Variants in LMX1B observed in about 807,000 individuals in gnomAD.
LMX1B encodes LIM homeobox transcription factor 1 beta.
LMX1B carries 12 observed loss-of-function variants against 51.4 expected under a neutral mutation model. The observed-to-expected ratio is 0.23, with a 90% CI of 0.15 to 0.38. The LOEUF is 0.38. LMX1B is among the 10% of genes least tolerant of loss of function. LMX1B has a pLI of 1.00. For missense variants in LMX1B, 445 were observed against 571.1 expected (o/e 0.78, Z 2.25); for synonymous variants, 237 against 235.4 (o/e 1.01, Z -0.06).
At chr9:126,619,570 C>T (rs558702885) in intron 2 of LMX1B, among the ~76,000 whole-genome samples, 3 of 152,358 alleles carry the variant, frequency 2.0e-5, no homozygotes, top group Admixed American at 6.5e-5. Context: ...ATGGTGCTGT[C>T]TCTGGGGGCT....
chr9:126,614,188 A>C lies in LMX1B; in HGVS notation c.-262A>C, dbSNP rs1234205563. ...CCGCCGCCGGGTTCCGGGACTGACA[A>C]GCAGGTGACAGAGGAGCCGGCGCGC... On this transcript the variant is annotated 5_prime_UTR_variant, in exon 1 of 8. Transcript: ENST00000373474. Among the ~76,000 whole-genome samples, 4 of 144,838 alleles carry C rather than the reference A, an allele frequency of 2.8e-5. No individual in the cohort carries two copies. Among genetic ancestry groups the C allele is most frequent in the African/African-American group, 9.9e-5 (4 of 40,432 alleles).
At chr9:126,646,178 T>C (rs1835896207) in intron 2 of LMX1B, among the ~76,000 whole-genome samples, 1 of 152,166 alleles carries the variant, frequency 6.6e-6, no homozygotes, top group South Asian at 2.1e-4. Context: ...TTTTGCTCTA[T>C]GTTGATATGA....
At chr9:126,678,555 G>C (rs146627129) in intron 2 of LMX1B, among the ~76,000 whole-genome samples, 19 of 152,276 alleles carry the variant, frequency 1.2e-4, no homozygotes, top group South Asian at 4.1e-4. Context: ...GGTAAAATTT[G>C]TAGTAATAAA....
rs532870885 is a variant in LMX1B, at chr9:126,664,038, G to A, written c.327-26798G>A. Among the ~76,000 whole-genome samples, 12 of 152,258 alleles carry A rather than the reference G, an allele frequency of 7.9e-5. No homozygotes were observed. The East Asian group carries it at 1.4e-3, about 17-fold the overall frequency. Reference sequence around the variant, plus strand: ...GCCCTCCCACGCCAGCTGCACCCACGGAGCCCAAGTCTGAGTCCTGTGCCA... The same window carrying A: ...GCCCTCCCACGCCAGCTGCACCCACAGAGCCCAAGTCTGAGTCCTGTGCCA... On this transcript the variant is annotated intron_variant, in intron 2 of 7. Coordinates refer to ENST00000373474, the MANE Select transcript of LMX1B (RefSeq NM_001174147.2).
chr9:126,635,055 G>A (rs1003261793), intron 2 of LMX1B, among the ~76,000 whole-genome samples: 5 of 152,202 alleles, frequency 3.3e-5, no homozygotes, highest in Admixed American at 2.6e-4. Context: ...AGGCACAAGC[G>A]CCATATGAAG....
intron 2 of LMX1B, among the ~76,000 whole-genome samples, chr9:126,680,456 G>A (rs1450181840): frequency 6.6e-6 from 1 of 152,174 alleles, no homozygotes; most frequent in Non-Finnish European, 1.5e-5. Context: ...GAGTCCATGG[G>A]CAAATAAAGC....
At chr9:126,659,994 G>T (rs1280016124) in intron 2 of LMX1B, among the ~76,000 whole-genome samples, 4 of 118,220 alleles carry the variant, frequency 3.4e-5, no homozygotes, top group African/African-American at 1.2e-4. Flanking sequence ...TCCTGTGTGT[G>T]TCTACACTGG....
rs1403483079 is a variant in LMX1B, at chr9:126,625,232, C to G, written c.326+9663C>G. ...CCCCCTGACGCTTTTCGTTTCCGAG[C>G]GCGCTTGGGCCTCAGGAGCCGGAGC... On this transcript the variant is annotated intron_variant, in intron 2 of 7. Coordinates refer to ENST00000373474, the MANE Select transcript of LMX1B (RefSeq NM_001174147.2). This position sits in a 1 kb window ranked among gnomAD's most constrained non-coding sequence, Gnocchi z 5.3. Among the ~76,000 whole-genome samples, 1 of 152,238 alleles carries G rather than the reference C, an allele frequency of 6.6e-6. No homozygotes were observed.
chr9:126,659,555 G>T (rs1017907597), intron 2 of LMX1B, among the ~76,000 whole-genome samples: 2 of 152,386 alleles, frequency 1.3e-5, no homozygotes, highest in South Asian at 4.1e-4. Flanking sequence ...AGGTGGTCCT[G>T]TGTGGGGGTG....
chr9:126,673,607 G>T lies in LMX1B; in HGVS notation c.327-17229G>T, dbSNP rs556671090. ...TTCCCCAGGCACCCAGCTTCACCAG[G>T]TCCCCGGGCTCTGAGACACTCCACC... On this transcript the variant is annotated intron_variant, in intron 2 of 7. Coordinates refer to ENST00000373474, the MANE Select transcript of LMX1B (RefSeq NM_001174147.2). The surrounding 1 kb of genome is among the most constrained non-coding windows in gnomAD (Gnocchi z 4.4). 2.9e-4 allele frequency among the ~76,000 whole-genome samples: 44 copies of T among 152,242 alleles called. No homozygotes were observed. In the South Asian group the frequency reaches 6.4e-3, roughly 22 times the overall value.
intron 2 of LMX1B, among the ~76,000 whole-genome samples, chr9:126,640,145 C>T (rs879274998): frequency 2.0e-5 from 3 of 152,184 alleles, no homozygotes; most frequent in Non-Finnish European, 2.9e-5. Context: ...AAGATGTGTC[C>T]GTTGAAGGGG....
intron 2 of LMX1B, among the ~76,000 whole-genome samples, chr9:126,645,474 A>G (rs1040145442): frequency 5.9e-5 from 9 of 152,180 alleles, no homozygotes; most frequent in Admixed American, 2.6e-4. Flanking sequence ...TGCAAGGGAC[A>G]TCGTTCCCAA....
At chr9:126,651,505 C>T (rs984589823) in intron 2 of LMX1B, among the ~76,000 whole-genome samples, 3 of 152,072 alleles carry the variant, frequency 2.0e-5, no homozygotes, top group South Asian at 2.1e-4. Context: ...ATAAACAAAA[C>T]GAAGGGCCTT....
At chr9:126,651,778 G>C (rs980880158) in intron 2 of LMX1B, among the ~76,000 whole-genome samples, 8 of 152,156 alleles carry the variant, frequency 5.3e-5, no homozygotes, top group Non-Finnish European at 1.0e-4. Context: ...GCATCTCTGA[G>C]ATGAGGATCC....
intron 2 of LMX1B, among the ~76,000 whole-genome samples, chr9:126,689,951 A>T (rs1222685452): frequency 1.3e-5 from 2 of 152,168 alleles, no homozygotes; most frequent in Non-Finnish European, 2.9e-5. Flanking sequence ...CAGGGCTGGC[A>T]CTCTATACGT....
intron 2 of LMX1B, among the ~76,000 whole-genome samples, chr9:126,676,840 G>T (rs1377484900): frequency 6.6e-6 from 1 of 152,228 alleles, no homozygotes; most frequent in Non-Finnish European, 1.5e-5. Context: ...TGCTGCGGGC[G>T]AGGGGAAAGG....
intron 2 of LMX1B, among the ~76,000 whole-genome samples, chr9:126,682,911 A>AAAAAG (rs1836703007): frequency 6.6e-6 from 1 of 150,578 alleles, no homozygotes; most frequent in South Asian, 2.1e-4. Context: ...AAAAAAAAAA[A>AAAAAG]AAAAGAAAGA....
rs533253679 is a variant in LMX1B at position 126,626,879 on chromosome 9, C to T, written c.326+11310C>T. Among the ~76,000 whole-genome samples, 11 of 152,246 alleles carry T rather than the reference C, an allele frequency of 7.2e-5. No homozygotes were observed. Among genetic ancestry groups the T allele is most frequent in the South Asian group, 2.1e-4 (1 of 4,824 alleles). Reference sequence around the variant, plus strand: ...GGCCGAGTTCAGAGGGACAGTGGGCCGAAGGGCGGCCTAAGACAACGCAGA... The same window carrying T: ...GGCCGAGTTCAGAGGGACAGTGGGCTGAAGGGCGGCCTAAGACAACGCAGA... On this transcript the variant is annotated intron_variant, in intron 2 of 7. Transcript: ENST00000373474. The surrounding 1 kb of genome is among the most constrained non-coding windows in gnomAD (Gnocchi z 4.3).
chr9:126,646,736 G>A (rs1030302184), intron 2 of LMX1B, among the ~76,000 whole-genome samples: 1 of 152,210 alleles, frequency 6.6e-6, no homozygotes, highest in Non-Finnish European at 1.5e-5. Context: ...GCAAATCTTT[G>A]TCAAGCTCCT....
Sources: gnomAD v4.1 joint callset for allele counts (sites outside exome capture counted in the v4.1 genomes callset) on GRCh38, gnomAD v4.1.1 for gene constraint, Gnocchi (gnomAD v3.1) non-coding constraint, MANE v1.5 for transcripts, NCBI Gene and HGNC (gene_info 2026-07-23, HGNC 2026-07-21) for gene names.